The following RBFOX1 variants were observed in gnomAD, a reference collection of about 807,000 sequenced individuals.
RBFOX1 encodes the protein RNA binding protein fox-1 homolog 1.
RBFOX1 carries 8 observed loss-of-function variants against 57.7 expected under a neutral mutation model. The ratio of observed to expected loss-of-function variants is 0.14; its 90% CI spans 0.08 to 0.25. The LOEUF (loss-of-function observed/expected upper bound fraction) is 0.25, where lower values mean the gene tolerates loss of function less well. Among genes scored for constraint, RBFOX1 ranks in the 10% least tolerant of loss-of-function variants. RBFOX1 has a pLI of 1.00. For synonymous variants in RBFOX1, 326 were observed against 222.4 expected, an observed-to-expected ratio of 1.47 and a Z score of -4.15; for missense variants, 611 against 548.5, an observed-to-expected ratio of 1.11 and a Z score of -1.14.
At chr16:6,191,568 A>G (rs1783648848) in intron 1 of RBFOX1, among the ~76,000 whole-genome samples, 1 of 152,178 alleles carries the variant, frequency 6.6e-6, no homozygotes, top group Non-Finnish European at 1.5e-5. Flanking sequence ...GGAGAGAAAA[A>G]AAGTTAGCAC....
intron 1 of RBFOX1, chr16:5,260,955 G>A (rs1241770663): frequency 6.6e-6 from 1 of 152,164 alleles, no homozygotes; most frequent in Admixed American, 6.5e-5. Flanking sequence ...TTGCCTTCCC[G>A]GGGTGAAGGA....
At chr16:5,788,126 A>G (rs898307523) in intron 3 of RBFOX1, among the ~76,000 whole-genome samples, 1 of 152,194 alleles carries the variant, frequency 6.6e-6, no homozygotes, top group Non-Finnish European at 1.5e-5. Flanking sequence ...TGCTGAAAAC[A>G]TCATACCTGG....
At chr16:6,244,804 G>A (rs981429460) in intron 1 of RBFOX1, among the ~76,000 whole-genome samples, 4 of 152,038 alleles carry the variant, frequency 2.6e-5, no homozygotes, top group South Asian at 2.1e-4. Context: ...CAACACACCC[G>A]GCAAACTTCA....
chr16:6,032,753 G>A (rs539512494), intron 1 of RBFOX1, among the ~76,000 whole-genome samples: 1 of 152,176 alleles, frequency 6.6e-6, no homozygotes, highest in Non-Finnish European at 1.5e-5. Flanking sequence ...AGATCATGAG[G>A]CAACGTTTTT....
chr16:6,800,021 C>G (rs766515940), intron 3 of RBFOX1, among the ~76,000 whole-genome samples: 2 of 152,156 alleles, frequency 1.3e-5, no homozygotes, highest in African/African-American at 2.4e-5. Context: ...TTCTGTCCCT[C>G]TGGAGAACCC....
intron 4 of RBFOX1, among the ~76,000 whole-genome samples, chr16:7,226,030 C>G (rs918881826): frequency 6.6e-6 from 1 of 151,838 alleles, no homozygotes; most frequent in African/African-American, 2.4e-5. Flanking sequence ...CTCTGCTTTT[C>G]TTGGCGTCCA....
At chr16:6,685,442 ATTTT>A (rs71145275) in intron 3 of RBFOX1, among the ~76,000 whole-genome samples, 12 of 125,672 alleles carry the variant, frequency 9.5e-5, no homozygotes, top group East Asian at 4.6e-4. Context: ...TACCCAGCTA[ATTTT>A]TTTTTTTTTT....
At chr16:7,399,775 C>T (rs1256410734) in intron 4 of RBFOX1, among the ~76,000 whole-genome samples, 1 of 152,148 alleles carries the variant, frequency 6.6e-6, no homozygotes, top group Non-Finnish European at 1.5e-5. Context: ...ACCCTCTTCC[C>T]AAATAAGGTC....
chr16:6,288,440 A>G (rs2077115499), intron 1 of RBFOX1, among the ~76,000 whole-genome samples: 3 of 152,182 alleles, frequency 2.0e-5, no homozygotes, highest in African/African-American at 7.2e-5. Context: ...CATGGACCAC[A>G]CTTTGGGTAG....
At chr16:5,262,261 G>T (rs1186013222) in intron 1 of RBFOX1, among the ~76,000 whole-genome samples, 1 of 152,110 alleles carries the variant, frequency 6.6e-6, no homozygotes, top group Non-Finnish European at 1.5e-5. Flanking sequence ...TGGGTTGTGG[G>T]GTGCCCAGAT....
At position 7,264,764 on chromosome 16, in the gene RBFOX1, G is replaced by A. The variant is rs1238600035; in HGVS notation, c.27+212666G>A. On this transcript the variant is annotated intron_variant, in intron 4 of 15. Transcript: ENST00000550418. ...GCTCTTGGCTATATCAAAATAGATA[G>A]TGGGGCACATTTGGCCCTTAGGCTG... Among the ~76,000 whole-genome samples, 3 of 152,102 alleles carry A rather than the reference G, an allele frequency of 2.0e-5. No individual in the cohort carries two copies. In the East Asian group the frequency reaches 5.8e-4, roughly 29 times the overall value.
intron 1 of RBFOX1, among the ~76,000 whole-genome samples, chr16:6,114,571 G>GAA (rs35840787): frequency 3.3e-5 from 5 of 151,870 alleles, no homozygotes; most frequent in Non-Finnish European, 7.4e-5. Context: ...TTTTCTTGGA[G>GAA]GGGGCGTAAC....
intron 4 of RBFOX1, among the ~76,000 whole-genome samples, chr16:7,199,867 C>T (rs988988615): frequency 2.0e-5 from 3 of 152,036 alleles, no homozygotes; most frequent in African/African-American, 7.2e-5. Context: ...TATACTCCAG[C>T]CTGGGCAACA....
chr16:5,564,105 C>T (rs1417366293), intron 2 of RBFOX1, among the ~76,000 whole-genome samples: 1 of 152,058 alleles, frequency 6.6e-6, no homozygotes, highest in Non-Finnish European at 1.5e-5. Context: ...CCTCCACCTC[C>T]CAGGTTCAAG....
chr16:7,667,708 A>AGACAGT (rs2069852831), intron 13 of RBFOX1, among the ~76,000 whole-genome samples: 1 of 152,128 alleles, frequency 6.6e-6, no homozygotes, highest in Non-Finnish European at 1.5e-5. Context: ...TTTGAGACAG[A>AGACAGT]CTCACTGTGT....
intron 3 of RBFOX1, among the ~76,000 whole-genome samples, chr16:6,909,890 C>G (rs866608917): frequency 2.6e-5 from 4 of 152,196 alleles, no homozygotes; most frequent in Middle Eastern, 3.4e-3. Flanking sequence ...CATATCGGTT[C>G]CTTTGCTAAT....
rs528406070 is a variant in RBFOX1 at position 5,518,302 on chromosome 16, G to C, written c.258+51048G>C. Among the ~76,000 whole-genome samples the C allele has an allele frequency of 1.9e-4, 29 of 152,226 alleles. No homozygotes were observed. In the South Asian group the frequency reaches 5.8e-3, roughly 30 times the overall value. On this transcript the variant is annotated intron_variant, in intron 2 of 2. Coordinates refer to the RBFOX1 transcript ENST00000585867. ...CTGAGTTAGATGAGCATGGACAACTGTTTGCCACATGAAAGCCCCATTGTT... is the reference window on the plus strand; with the variant it reads ...CTGAGTTAGATGAGCATGGACAACTCTTTGCCACATGAAAGCCCCATTGTT...
intron 3 of RBFOX1, among the ~76,000 whole-genome samples, chr16:6,852,417 T>G (rs762351074): frequency 1.3e-5 from 2 of 152,180 alleles, no homozygotes; most frequent in Admixed American, 6.5e-5. Flanking sequence ...CCTTACAAAG[T>G]TTATAAGTTT....
At chr16:7,104,061 T>C (rs1303239795) in intron 4 of RBFOX1, among the ~76,000 whole-genome samples, 2 of 152,186 alleles carry the variant, frequency 1.3e-5, no homozygotes, top group East Asian at 3.8e-4. Flanking sequence ...AATAGTTCGT[T>C]ACTAAAAGCA....
Sources: allele counts gnomAD v4.1 joint callset (sites outside exome capture counted in the v4.1 genomes callset), GRCh38; gene constraint gnomAD v4.1.1; transcripts MANE v1.5; gene names NCBI Gene and HGNC (gene_info 2026-07-23, HGNC 2026-07-21).